FMNL2: variants seen among roughly 807,000 people sequenced by gnomAD.
FMNL2 encodes formin like 2.
FMNL2 carries 51 observed loss-of-function variants against 130.2 expected under a neutral mutation model. That is an observed-to-expected ratio of 0.39 (90% CI 0.31 to 0.49). The LOEUF (loss-of-function observed/expected upper bound fraction) is 0.49, where lower values mean the gene tolerates loss of function less well. FMNL2 is among the 20% of genes least tolerant of loss of function. The pLI is 0.85. For synonymous variants in FMNL2, 465 were observed against 467.1 expected (o/e 1.00, Z 0.06); for missense variants, 977 against 1,316.2 (o/e 0.74, Z 3.99).
intron 1 of FMNL2, among the ~76,000 whole-genome samples, chr2:152,408,337 T>C (rs1686110035): frequency 6.6e-6 from 1 of 152,232 alleles, no homozygotes; most frequent in Non-Finnish European, 1.5e-5. Context: ...GTATTATGTT[T>C]CTTAGGACAA....
chr2:152,407,600 CA>C (rs1177245532), intron 1 of FMNL2, among the ~76,000 whole-genome samples: 18 of 152,160 alleles, frequency 1.2e-4, no homozygotes, highest in Admixed American at 1.3e-4. Context: ...CTTCTCTTTT[CA>C]GCATTTTGGC....
At position 152,383,827 on chromosome 2, in the gene FMNL2, A is replaced by G. The variant is rs569480900; in HGVS notation, c.117+48107A>G. Among the ~76,000 whole-genome samples the G allele has an allele frequency of 2.6e-5, 4 of 152,324 alleles. No homozygotes were observed. The South Asian group carries it at 8.3e-4, about 32-fold the overall frequency. ...TATTTATGGCAAAGAAATGAGGAGA[A>G]GTCATCATCAGTTTGATGATTAGCA... On this transcript the variant is annotated intron_variant, in intron 1 of 25. Transcript: ENST00000288670.
chr2:152,341,587 G>A (rs1681809653), intron 1 of FMNL2, among the ~76,000 whole-genome samples: 1 of 152,174 alleles, frequency 6.6e-6, no homozygotes. Context: ...TCTTTCCTCT[G>A]GCCCTTGGTT....
chr2:152,441,988 T>C (rs1688076016), intron 1 of FMNL2, among the ~76,000 whole-genome samples: 1 of 152,178 alleles, frequency 6.6e-6, no homozygotes, highest in Non-Finnish European at 1.5e-5. Context: ...TGTTTGTTTT[T>C]TAAAATAGGA....
chr2:152,509,627 G>A (rs2105354177), intron 1 of FMNL2, among the ~76,000 whole-genome samples: 1 of 151,282 alleles, frequency 6.6e-6, no homozygotes, highest in East Asian at 1.9e-4. Flanking sequence ...AGAAGACTCA[G>A]GTCTTGGGTT....
In FMNL2 at chr2:152,335,267, G is replaced by A. The variant is rs571998897; in HGVS notation, c.-337G>A. ...CGCGGGCCCGGCAGAAGGCCGAGTA[G>A]GAGGGACCACGCGCCGGGGGCCGCG... On this transcript the variant is annotated 5_prime_UTR_variant, in exon 1 of 26. Coordinates refer to ENST00000288670, the MANE Select transcript of FMNL2 (RefSeq NM_052905.4). The A allele has an allele frequency of 4.6e-4, 76 of 163,638 alleles. No individual in the cohort carries two copies. The highest frequency in any genetic ancestry group is 1.8e-3 in the African/African-American group (74 of 41,890). The allele number at this position is 163,638 out of a possible 1,614,324, so 10.1% of individuals were successfully genotyped here.
intron 9 of FMNL2, among the ~76,000 whole-genome samples, chr2:152,603,014 A>C (rs1409325481): frequency 6.6e-6 from 1 of 152,198 alleles, no homozygotes; most frequent in Non-Finnish European, 1.5e-5. Flanking sequence ...AACCTTCCCC[A>C]AACATATCTT....
In FMNL2 at chr2:152,581,024, T is replaced by C. The variant is rs1333969129; in HGVS notation, c.851T>C (p.Leu284Ser). ...GTCAGAGGCGGGCATGAAATCATTT[T>C]ATCAGCATTTGATAACTTTAAAGAG... ...CLVRGGHEIILSAFDNFKEVC... is the reference protein window; with the variant it reads ...CLVRGGHEIISSAFDNFKEVC... The change falls in exon 9 of 26, where the codon TTA (leucine) becomes TCA (serine). Residue 284 changes from leucine (L) to serine (S), a missense_variant. Leu to Ser is a moderately radical substitution (Grantham distance 145). Coordinates refer to ENST00000288670, the MANE Select transcript of FMNL2 (RefSeq NM_052905.4). 1.2e-6 allele frequency: 2 copies of C among 1,613,962 alleles called. No homozygotes were observed. Among genetic ancestry groups the C allele is most frequent in the Non-Finnish European group, 1.7e-6 (2 of 1,179,856 alleles).
Position 152,506,650 on chromosome 2 carries a change from T to C in FMNL2, c.118-15293T>C, listed in dbSNP as rs547905802. Among the ~76,000 whole-genome samples, 5 of 152,310 alleles carry C rather than the reference T, an allele frequency of 3.3e-5. No homozygotes were observed. In the East Asian group the frequency reaches 9.6e-4, roughly 29 times the overall value. On this transcript the variant is annotated intron_variant, in intron 1 of 25. Transcript: ENST00000288670. Reference sequence around the variant, plus strand: ...CAGGTGTGATGGGGGTGGAGGTAGATAGTATCTAGACTAGAGGTTTCCAAA... The same window carrying C: ...CAGGTGTGATGGGGGTGGAGGTAGACAGTATCTAGACTAGAGGTTTCCAAA...
intron 2 of FMNL2, among the ~76,000 whole-genome samples, chr2:152,540,609 A>G (rs924182231): frequency 3.3e-5 from 5 of 149,864 alleles, no homozygotes; most frequent in African/African-American, 1.2e-4. Context: ...ATTTTAAATA[A>G]TAAGATTATC....
chr2:152,380,182 C>G (rs1279279817), intron 1 of FMNL2, among the ~76,000 whole-genome samples: 1 of 152,156 alleles, frequency 6.6e-6, no homozygotes, highest in Non-Finnish European at 1.5e-5. Flanking sequence ...ATCTTTGTAT[C>G]TCTTGCATCT....
At chr2:152,625,597 C>G (rs377272131) in intron 16 of FMNL2, 35 bp downstream of exon 16, 4 of 1,580,720 alleles carry the variant, frequency 2.5e-6, no homozygotes, top group Non-Finnish European at 3.5e-6. Context: ...TAGAGGTGCA[C>G]TCTGTGCAGC....
intron 18 of FMNL2, among the ~76,000 whole-genome samples, chr2:152,629,097 C>T (rs992918805): frequency 2.0e-5 from 3 of 152,190 alleles, no homozygotes; most frequent in African/African-American, 7.2e-5. Flanking sequence ...CTTCAGTTCT[C>T]TCCCAATTCT....
chr2:152,500,090 A>G (rs1484004978), intron 1 of FMNL2, among the ~76,000 whole-genome samples: 1 of 152,178 alleles, frequency 6.6e-6, no homozygotes, highest in African/African-American at 2.4e-5. Context: ...TGAAAGCAGA[A>G]CAGTGAATTA....
chr2:152,427,300 A>T (rs1687249263), intron 1 of FMNL2, among the ~76,000 whole-genome samples: 1 of 152,194 alleles, frequency 6.6e-6, no homozygotes. Context: ...CAATACCAGC[A>T]CTTTGGGAGG....
At position 152,649,563 on chromosome 2, in the gene FMNL2, C is replaced by CT. The variant is rs1683901402; in HGVS notation, c.*1660dup. 1 of 152,596 alleles carries CT rather than the reference C, an allele frequency of 6.6e-6. No homozygotes were observed. Among genetic ancestry groups the CT allele is most frequent in the Non-Finnish European group, 1.5e-5 (1 of 68,034 alleles). 9.5% of individuals were successfully genotyped at this position (152,596 alleles called of 1,614,324 possible). Reference sequence around the variant, plus strand: ...TGTCTTTCTGTGGACTCAACATTCACTTCGATTAAAAATAGCAATTTGACC... The same window carrying CT: ...TGTCTTTCTGTGGACTCAACATTCACTTTCGATTAAAAATAGCAATTTGACC... On this transcript the variant is annotated 3_prime_UTR_variant, in exon 26 of 26. Coordinates refer to ENST00000288670, the MANE Select transcript of FMNL2 (RefSeq NM_052905.4).
chr2:152,533,467 TC>T (rs1693818930), intron 2 of FMNL2, among the ~76,000 whole-genome samples: 1 of 152,088 alleles, frequency 6.6e-6, no homozygotes, highest in African/African-American at 2.4e-5. Context: ...TCTGTTCTAC[TC>T]ATCTATATTT....
At chr2:152,353,930 A>G (rs2345903) in intron 1 of FMNL2, among the ~76,000 whole-genome samples, 116,936 of 152,120 alleles carry the variant, frequency 0.77, 46,007 homozygotes, top group Admixed American at 0.86. Context: ...GAATTGAACT[A>G]ATGGTGGCTT....
chr2:152,342,691 A>G (rs1681880033), intron 1 of FMNL2, among the ~76,000 whole-genome samples: 1 of 152,178 alleles, frequency 6.6e-6, no homozygotes, highest in Non-Finnish European at 1.5e-5. Flanking sequence ...GTCTTTCAAC[A>G]TAAATGCCAA....
Sources: allele counts gnomAD v4.1 joint callset (sites outside exome capture counted in the v4.1 genomes callset), GRCh38; gene constraint gnomAD v4.1.1; transcripts MANE v1.5; gene names NCBI Gene and HGNC (gene_info 2026-07-23, HGNC 2026-07-21).